The following GPC6 variants were observed in gnomAD, a reference collection of about 807,000 sequenced individuals.
The protein encoded by GPC6 is glypican-6.
A neutral mutation model predicts 55.2 loss-of-function variants in GPC6; 14 were observed. The ratio of observed to expected loss-of-function variants is 0.25; its 90% CI spans 0.17 to 0.40. The LOEUF (loss-of-function observed/expected upper bound fraction) is 0.40, where lower values mean the gene tolerates loss of function less well. Ranked by LOEUF, GPC6 falls within the 10% of genes least tolerant of loss-of-function variation. The pLI, the probability that GPC6 is intolerant of heterozygous loss-of-function variation, is 1.00. For synonymous variants in GPC6, 278 were observed against 259.6 expected (o/e 1.07, Z -0.68); for missense variants, 641 against 708.5 (o/e 0.90, Z 1.08).
intron 4 of GPC6, among the ~76,000 whole-genome samples, chr13:94,236,743 CT>C (rs1890889922): frequency 6.6e-6 from 1 of 152,088 alleles, no homozygotes; most frequent in South Asian, 2.1e-4. Flanking sequence ...CTTCTTCCTT[CT>C]GTAAGTATTT....
chr13:94,267,800 G>T (rs531607067), intron 4 of GPC6, among the ~76,000 whole-genome samples: 10 of 152,292 alleles, frequency 6.6e-5, no homozygotes, highest in African/African-American at 2.2e-4. Context: ...CCGTAGAAAC[G>T]CAAGCTAATA....
At chr13:93,513,276 C>T (rs74479648) in intron 1 of GPC6, among the ~76,000 whole-genome samples, 6,345 of 152,226 alleles carry the variant, frequency 0.042, 162 homozygotes, top group South Asian at 0.064. Context: ...TACCACCTCA[C>T]CTCAGTCCCC....
At position 93,939,377 on chromosome 13, in the gene GPC6, C is replaced by T. The variant is rs183305521; in HGVS notation, c.712-88352C>T. Among the ~76,000 whole-genome samples the T allele has an allele frequency of 2.0e-5, 3 of 150,848 alleles. No homozygotes were observed. The East Asian group carries it at 5.9e-4, about 29-fold the overall frequency. On this transcript the variant is annotated intron_variant, in intron 3 of 8. Coordinates refer to ENST00000377047, the MANE Select transcript of GPC6 (RefSeq NM_005708.5). ...GAGCTTGCAGTGAGCCGAGATGCGC[C>T]ACTGCACTCCAGCCTGGGCGACAGA...
At chr13:94,358,619 G>A (rs1275619707) in intron 6 of GPC6, among the ~76,000 whole-genome samples, 1 of 152,186 alleles carries the variant, frequency 6.6e-6, no homozygotes, top group Non-Finnish European at 1.5e-5. Context: ...CGTGTATCAG[G>A]ATGAGTTGGG....
intron 3 of GPC6, among the ~76,000 whole-genome samples, chr13:93,979,796 A>G (rs1344410575): frequency 1.3e-5 from 2 of 152,166 alleles, no homozygotes; most frequent in African/African-American, 2.4e-5. Flanking sequence ...TAAAAAGTCC[A>G]TGTATAGAGA....
chr13:94,187,181 T>TTGC (rs1889225161), intron 4 of GPC6: 1 of 152,130 alleles, frequency 6.6e-6, no homozygotes, highest in Non-Finnish European at 1.5e-5. Flanking sequence ...GCAACGTGTG[T>TTGC]ATCCTCCCTC....
In GPC6 at chr13:93,274,167, G is replaced by A. The variant is rs143580575; in HGVS notation, c.160+46551G>A. Among the ~76,000 whole-genome samples the A allele has an allele frequency of 3.5e-3, 537 of 152,200 alleles. 4 individuals are homozygous for A. Among genetic ancestry groups the A allele is most frequent in the African/African-American group, 0.013 (525 of 41,530 alleles). On this transcript the variant is annotated intron_variant, in intron 1 of 8. Transcript: ENST00000377047. ...TTAAGAAATTTAAAACTTTAAAAGC[G>A]AGTGGTAAAAAGCAGTCACCTACAG... is the stretch of plus-strand genomic sequence containing the variant.
At chr13:93,893,456 A>G (rs1875810889) in intron 3 of GPC6, among the ~76,000 whole-genome samples, 1 of 152,206 alleles carries the variant, frequency 6.6e-6, no homozygotes, top group Non-Finnish European at 1.5e-5. Flanking sequence ...AAAACAATCT[A>G]TTAATGCCTC....
chr13:94,287,463 A>G (rs1395028278), intron 5 of GPC6, among the ~76,000 whole-genome samples: 1 of 152,204 alleles, frequency 6.6e-6, no homozygotes, highest in Non-Finnish European at 1.5e-5. Flanking sequence ...AAAAGGAGCC[A>G]TGGATTCCTA....
chr13:93,741,605 CCT>C (rs1884206176), intron 2 of GPC6, among the ~76,000 whole-genome samples: 1 of 152,056 alleles, frequency 6.6e-6, no homozygotes, highest in Admixed American at 6.5e-5. Context: ...TAGCCCCGCC[CCT>C]GAGTTTAAAT....
At chr13:93,897,580 T>C (rs767870413) in intron 3 of GPC6, among the ~76,000 whole-genome samples, 10 of 152,156 alleles carry the variant, frequency 6.6e-5, no homozygotes, top group Non-Finnish European at 1.2e-4. Context: ...AGATTCACCA[T>C]ATAATTTTAC....
chr13:93,544,418 T>G (rs535545483), intron 1 of GPC6, among the ~76,000 whole-genome samples: 1 of 152,200 alleles, frequency 6.6e-6, no homozygotes, highest in African/African-American at 2.4e-5. Context: ...TTTGTTGGTT[T>G]TATTTAGCAA....
At chr13:93,719,588 C>T (rs1883378687) in intron 2 of GPC6, among the ~76,000 whole-genome samples, 1 of 151,988 alleles carries the variant, frequency 6.6e-6, no homozygotes, top group Admixed American at 6.6e-5. Context: ...TTTCTCTTGC[C>T]TGATTGCCCT....
intron 2 of GPC6, among the ~76,000 whole-genome samples, chr13:93,733,893 T>C (rs1883910063): frequency 6.6e-6 from 1 of 152,190 alleles, no homozygotes; most frequent in Non-Finnish European, 1.5e-5. Context: ...TGGTGGATGT[T>C]TTTCTTTGCT....
chr13:94,365,361 C>G (rs529913326), intron 6 of GPC6, among the ~76,000 whole-genome samples: 1 of 152,194 alleles, frequency 6.6e-6, no homozygotes, highest in African/African-American at 2.4e-5. Flanking sequence ...CCTAGAATTC[C>G]CTTAGGCTAA....
intron 2 of GPC6, among the ~76,000 whole-genome samples, chr13:93,621,442 C>T (rs1878946861): frequency 6.6e-6 from 1 of 152,098 alleles, no homozygotes; most frequent in African/African-American, 2.4e-5. Flanking sequence ...TTGTGGTAGC[C>T]ATGTTTCTCA....
At chr13:93,263,159 G>A (rs568813757) in intron 1 of GPC6, among the ~76,000 whole-genome samples, 2 of 152,262 alleles carry the variant, frequency 1.3e-5, no homozygotes, top group South Asian at 4.1e-4. Flanking sequence ...GGCACATAAT[G>A]AAGTCTTAGG....
In GPC6 at chr13:93,708,812, G is replaced by A. The variant is rs1452854836; in HGVS notation, c.320-121342G>A. 3.3e-5 allele frequency among the ~76,000 whole-genome samples: 5 copies of A among 151,594 alleles called. No homozygotes were observed. The Admixed American group carries it at 3.3e-4, about 10-fold the overall frequency. ...CCCTCATGGACTCCAATCCAACTAG[G>A]GAAACCAACTTAGAAACTAGTGACA... is the stretch of plus-strand genomic sequence containing the variant. On this transcript the variant is annotated intron_variant, in intron 2 of 8. Transcript: ENST00000377047.
chr13:93,369,070 T>C (rs1447029913), intron 1 of GPC6, among the ~76,000 whole-genome samples: 2 of 152,070 alleles, frequency 1.3e-5, no homozygotes, highest in Admixed American at 1.3e-4. Context: ...AGACATTGTC[T>C]CATACCTCCC....
Sources: gnomAD v4.1 joint callset for allele counts (sites outside exome capture counted in the v4.1 genomes callset) on GRCh38, gnomAD v4.1.1 for gene constraint, MANE v1.5 for transcripts, NCBI Gene and HGNC (gene_info 2026-07-23, HGNC 2026-07-21) for gene names.